GRB14: variants seen among roughly 807,000 people sequenced by gnomAD.
GRB14 encodes the protein growth factor receptor bound protein 14.
GRB14 carries 38 observed loss-of-function variants against 69.1 expected under a neutral mutation model. That is an observed-to-expected ratio of 0.55 (90% CI 0.42 to 0.72). The LOEUF is 0.72. GRB14 is among the 30% of genes least tolerant of loss of function. The pLI is 0.00. For synonymous variants in GRB14, 247 were observed against 241.3 expected (o/e 1.02, Z -0.22); for missense variants, 666 against 666.1 (o/e 1.00, Z 0.00).
intron 3 of GRB14, among the ~76,000 whole-genome samples, chr2:164,540,873 G>A (rs759761401): frequency 7.9e-5 from 12 of 152,174 alleles, no homozygotes; most frequent in Non-Finnish European, 1.8e-4. Context: ...TAAACTGTTT[G>A]GGTAACGCAG....
At chr2:164,618,229 T>C (rs564237008) in intron 2 of GRB14, among the ~76,000 whole-genome samples, 97 of 151,704 alleles carry the variant, frequency 6.4e-4, no homozygotes, top group Non-Finnish European at 1.2e-3. Context: ...CCTCCCAAAG[T>C]GCTGGGATTA....
At chr2:164,581,994 C>T (rs1183648366) in intron 2 of GRB14, among the ~76,000 whole-genome samples, 1 of 152,210 alleles carries the variant, frequency 6.6e-6, no homozygotes, top group African/African-American at 2.4e-5. Context: ...TCTCTGTTGA[C>T]TCTCTTTTGT....
At position 164,549,224 on chromosome 2, in the gene GRB14, T is replaced by G. The variant is rs138370544; in HGVS notation, c.325-1408A>C. Among the ~76,000 whole-genome samples the G allele has an allele frequency of 3.0e-3, 457 of 152,240 alleles. 4 individuals are homozygous for G. The highest frequency in any genetic ancestry group is 7.7e-3 in the Admixed American group (117 of 15,284). On this transcript the variant is annotated intron_variant, in intron 2 of 13. Transcript: ENST00000263915. ...GGTTAATTGTTTTTCTGATATTGAG[T>G]TGTATGAGTTATTTATAAATTTTGG...
intron 2 of GRB14, among the ~76,000 whole-genome samples, chr2:164,617,544 C>T (rs1690326944): frequency 6.6e-6 from 1 of 152,128 alleles, no homozygotes; most frequent in Non-Finnish European, 1.5e-5. Context: ...AACCCTGGCA[C>T]TTTACCCATT....
chr2:164,618,381 T>C (rs1234695115), intron 2 of GRB14, among the ~76,000 whole-genome samples: 2 of 151,972 alleles, frequency 1.3e-5, no homozygotes, highest in Non-Finnish European at 2.9e-5. Context: ...GAAGTTTCAC[T>C]AGGGCTGTTT....
chr2:164,522,305 T>C (rs1480686927), intron 5 of GRB14, among the ~76,000 whole-genome samples, 188 bp from the exon 6 acceptor site: 1 of 152,024 alleles, frequency 6.6e-6, no homozygotes, highest in Non-Finnish European at 1.5e-5. Flanking sequence ...TATATCTCTC[T>C]CCTCTGTCTC....
chr2:164,505,010 C>T (rs531658628), intron 8 of GRB14, among the ~76,000 whole-genome samples: 1 of 152,286 alleles, frequency 6.6e-6, no homozygotes, highest in African/African-American at 2.4e-5. Context: ...TGCCAAAAGG[C>T]AAGGTAACTG....
At chr2:164,525,131 A>G in intron 4 of GRB14, 53 bp from the exon 5 acceptor site, 1 of 1,154,544 alleles carries the variant, frequency 8.7e-7, no homozygotes, top group Non-Finnish European at 1.3e-6. Flanking sequence ...GAAAAGATTC[A>G]ATTATGACCA....
chr2:164,593,970 A>T (rs1479314133), intron 2 of GRB14, among the ~76,000 whole-genome samples: 1 of 152,226 alleles, frequency 6.6e-6, no homozygotes, highest in African/African-American at 2.4e-5. Context: ...AAAGAGCATA[A>T]TCATAACACA....
chr2:164,618,268 C>G (rs1175942296), intron 2 of GRB14, among the ~76,000 whole-genome samples: 1 of 150,258 alleles, frequency 6.7e-6, no homozygotes, highest in African/African-American at 2.5e-5. Flanking sequence ...GCCACCGCAC[C>G]CGGCCTCTTT....
At chr2:164,579,519 A>G (rs1223285750) in intron 2 of GRB14, among the ~76,000 whole-genome samples, 3 of 151,424 alleles carry the variant, frequency 2.0e-5, no homozygotes, top group African/African-American at 7.3e-5. Context: ...ACACACACAC[A>G]CACACACACA....
At chr2:164,528,929 C>A (rs1289718140) in intron 3 of GRB14, among the ~76,000 whole-genome samples, 1 of 152,112 alleles carries the variant, frequency 6.6e-6, no homozygotes, top group African/African-American at 2.4e-5. Flanking sequence ...GAAGCGAAAG[C>A]AGGGACTCAA....
Position 164,621,323 on chromosome 2 carries a change from G to A in GRB14, c.-14C>T. 7.8e-7 allele frequency: 1 copy of A among 1,282,494 alleles called. No homozygotes were observed. Among genetic ancestry groups the A allele is most frequent in the Non-Finnish European group, 9.9e-7 (1 of 1,014,776 alleles). 79.4% of individuals were successfully genotyped at this position (1,282,494 alleles called of 1,614,324 possible). A position where few individuals can be genotyped will look rare whatever the true frequency, so the allele number is the denominator to read the frequency against. ...GGAAGTGGTCATTGTCGCCGGCCGG[G>A]GGGCTCGGGCGTCATGGGAGACTCG... On this transcript the variant is annotated 5_prime_UTR_variant, in exon 1 of 14. Coordinates refer to ENST00000263915, the MANE Select transcript of GRB14 (RefSeq NM_004490.3). The surrounding 1 kb of genome is among the most constrained non-coding windows in gnomAD (Gnocchi z 6.0).
At chr2:164,560,186 T>TAAGCTGCTGCTTC (rs1254969115) in intron 2 of GRB14, among the ~76,000 whole-genome samples, 4 of 152,194 alleles carry the variant, frequency 2.6e-5, no homozygotes, top group Non-Finnish European at 4.4e-5. Flanking sequence ...TAGGCTGCTT[T>TAAGCTGCTGCTTC]AAGCTGCTGC....
intron 5 of GRB14, among the ~76,000 whole-genome samples, chr2:164,522,730 T>C (rs1338059692): frequency 6.6e-6 from 1 of 152,132 alleles, no homozygotes; most frequent in Non-Finnish European, 1.5e-5. Context: ...TGGCAGGTCA[T>C]GTTTTCCAAA....
At position 164,584,433 on chromosome 2, in the gene GRB14, G is replaced by A. The variant is rs147430026; in HGVS notation, c.324+35254C>T. 4.0e-3 allele frequency among the ~76,000 whole-genome samples: 613 copies of A among 151,848 alleles called. 2 individuals carry two copies. Among genetic ancestry groups the A allele is most frequent in the African/African-American group, 0.014 (568 of 41,432 alleles). ...AGTTTTATCTTCCTATCTGCAAAATGAGGTTTTTAAACAAAATTATCTTTA... is the reference window on the plus strand; with the variant it reads ...AGTTTTATCTTCCTATCTGCAAAATAAGGTTTTTAAACAAAATTATCTTTA... On this transcript the variant is annotated intron_variant, in intron 2 of 13. Transcript: ENST00000263915.
chr2:164,616,301 C>T (rs530878652), intron 2 of GRB14, among the ~76,000 whole-genome samples: 20 of 152,010 alleles, frequency 1.3e-4, no homozygotes, highest in Middle Eastern at 3.4e-3. Flanking sequence ...TGGCAGGCAC[C>T]TCTAGTCCCA....
At chr2:164,502,951 A>G (rs943816722) in intron 8 of GRB14, among the ~76,000 whole-genome samples, 6 of 152,166 alleles carry the variant, frequency 3.9e-5, no homozygotes, top group Non-Finnish European at 7.4e-5. Flanking sequence ...AAGGTACAAT[A>G]TAAGTGGTAG....
chr2:164,582,609 C>T (rs896547059), intron 2 of GRB14, among the ~76,000 whole-genome samples: 4 of 151,836 alleles, frequency 2.6e-5, no homozygotes, highest in Admixed American at 6.6e-5. Flanking sequence ...TTAGTAGAGA[C>T]GGGGTTTCGC....
Sources: allele counts gnomAD v4.1 joint callset (sites outside exome capture counted in the v4.1 genomes callset), GRCh38; gene constraint gnomAD v4.1.1; non-coding constraint Gnocchi (gnomAD v3.1); transcripts MANE v1.5; gene names NCBI Gene and HGNC (gene_info 2026-07-23, HGNC 2026-07-21).